SPSB4: variants seen among roughly 807,000 people sequenced by gnomAD.
SPSB4 encodes the protein splA/ryanodine receptor domain and SOCS box containing 4, also known as SPRY domain-containing SOCS box protein 4.
A neutral mutation model predicts 20.9 loss-of-function variants in SPSB4; 21 were observed. That is an observed-to-expected ratio of 1.01 (90% CI 0.71 to 1.45). The LOEUF is 1.45. SPSB4 is among the 40% of genes most tolerant of loss of function. The pLI is 0.00. For missense variants in SPSB4, 399 were observed against 399.2 expected (o/e 1.00, Z 0.00); for synonymous variants, 207 against 183.8 (o/e 1.13, Z -1.02).
intron 2 of SPSB4, among the ~76,000 whole-genome samples, chr3:141,124,479 G>C (rs1319545307): frequency 1.3e-5 from 2 of 152,218 alleles, no homozygotes; most frequent in Non-Finnish European, 2.9e-5. Flanking sequence ...CTGCCTAGGA[G>C]GGTCTGATGA....
At chr3:141,119,256 T>C (rs1242937044) in intron 2 of SPSB4, among the ~76,000 whole-genome samples, 2 of 152,234 alleles carry the variant, frequency 1.3e-5, no homozygotes, top group African/African-American at 4.8e-5. Context: ...GTAGTAATTG[T>C]GAATGGGAGT....
intron 2 of SPSB4, among the ~76,000 whole-genome samples, chr3:141,128,740 CAG>C (rs571683637): frequency 3.5e-4 from 53 of 151,878 alleles, no homozygotes; most frequent in African/African-American, 1.1e-3. Flanking sequence ...GGGCTGGAGT[CAG>C]AGGTAAGGGG....
At chr3:141,071,702 C>T (rs1029866418) in intron 2 of SPSB4, among the ~76,000 whole-genome samples, 2 of 152,156 alleles carry the variant, frequency 1.3e-5, no homozygotes, top group Non-Finnish European at 2.9e-5. Flanking sequence ...ACAGAACGGG[C>T]GCCAGTGTCA....
chr3:141,087,062 G>T (rs1232209612), intron 2 of SPSB4, among the ~76,000 whole-genome samples: 1 of 152,214 alleles, frequency 6.6e-6, no homozygotes, highest in Non-Finnish European at 1.5e-5. Flanking sequence ...CTGCCTGGAA[G>T]ATGACACGCG....
At chr3:141,093,551 G>A (rs1382786884) in intron 2 of SPSB4, among the ~76,000 whole-genome samples, 2 of 152,092 alleles carry the variant, frequency 1.3e-5, no homozygotes, top group East Asian at 3.9e-4. Flanking sequence ...GAGGCCCAGA[G>A]AGGTTAAGCT....
chr3:141,066,639 G>T lies in SPSB4; in HGVS notation c.535G>T (p.Val179Leu). ...CTTTGCGCTGCCCGACTCGCTGCTC[G>T]TGGTGCTGGACATGGATGAGGGCAC... ...EAFALPDSLL[V>L]VLDMDEGTLS... Residue 179 changes from valine to leucine, a missense_variant, in exon 2 of 3, where the codon GTG (valine) becomes TTG (leucine). By Grantham distance (32) the Val-to-Leu change is conservative. Coordinates refer to ENST00000310546, the MANE Select transcript of SPSB4 (RefSeq NM_080862.3). 6.2e-7 allele frequency: 1 copy of T among 1,611,568 alleles called. No homozygotes were observed. Among genetic ancestry groups the T allele is most frequent in the East Asian group, 2.2e-5 (1 of 44,836 alleles).
chr3:141,103,612 C>A (rs1168772299), intron 2 of SPSB4, among the ~76,000 whole-genome samples: 2 of 152,172 alleles, frequency 1.3e-5, no homozygotes, highest in African/African-American at 4.8e-5. Flanking sequence ...TCCCTCCGCA[C>A]AACAAACCAC....
At chr3:141,090,265 C>CT (rs1444639884) in intron 2 of SPSB4, among the ~76,000 whole-genome samples, 1 of 152,174 alleles carries the variant, frequency 6.6e-6, no homozygotes, top group African/African-American at 2.4e-5. Flanking sequence ...ATTCCAGGCA[C>CT]TGAGGACACA....
intron 1 of SPSB4, among the ~76,000 whole-genome samples, chr3:141,065,125 G>T (rs879066914): frequency 6.6e-6 from 1 of 152,146 alleles, no homozygotes; most frequent in African/African-American, 2.4e-5. Flanking sequence ...GTATCCAAGA[G>T]GCTAGGAGGC....
At chr3:141,121,112 A>G (rs1191898265) in intron 2 of SPSB4, among the ~76,000 whole-genome samples, 7 of 151,738 alleles carry the variant, frequency 4.6e-5, no homozygotes, top group Non-Finnish European at 7.4e-5. Flanking sequence ...GCCTGGTGGT[A>G]ACAAAATCTC....
At chr3:141,141,279 C>G in intron 2 of SPSB4, among the ~76,000 whole-genome samples, 1 of 152,220 alleles carries the variant, frequency 6.6e-6, no homozygotes, top group Non-Finnish European at 1.5e-5. Context: ...TTGCACTTCC[C>G]AGGTGAGGCG....
At chr3:141,127,487 A>G in intron 2 of SPSB4, among the ~76,000 whole-genome samples, 1 of 152,192 alleles carries the variant, frequency 6.6e-6, no homozygotes, top group Non-Finnish European at 1.5e-5. Flanking sequence ...TCCAGAGCTC[A>G]GAAGCCACAT....
chr3:141,082,618 G>GCTATGTATCTATCTAT (rs113189039), intron 2 of SPSB4, among the ~76,000 whole-genome samples: 31 of 146,416 alleles, frequency 2.1e-4, no homozygotes, highest in South Asian at 1.4e-3. Context: ...CAACCCAGGT[G>GCTATGTATCTATCTAT]CTATCTATCT....
At position 141,066,777 on chromosome 3, in the gene SPSB4, C is replaced by T. The variant is rs779882921; in HGVS notation, c.673C>T (p.Arg225Cys). The T allele has an allele frequency of 1.3e-6, 2 of 1,561,040 alleles. No individual in the cohort carries two copies. The highest frequency in any genetic ancestry group is 1.8e-5 in the Admixed American group (1 of 54,196). ...GTGGGGCCACTGTGAAGTCACCATG[C>T]GCTACATCAACGGCCTTGACCGTAA... ...AVWGHCEVTM[R>C]YINGLDPEPL... The change falls in exon 2 of 3, where the codon CGC (arginine) becomes TGC (cysteine). Residue 225 changes from arginine to cysteine, a missense_variant. Physicochemically the swap from Arg to Cys is radical, Grantham distance 180. Coordinates refer to ENST00000310546, the MANE Select transcript of SPSB4 (RefSeq NM_080862.3).
Position 141,140,657 on chromosome 3 carries a change from A to G in SPSB4, c.695-6485A>G, listed in dbSNP as rs1939309855. On this transcript the variant is annotated intron_variant, in intron 2 of 2. Transcript: ENST00000310546. ...GCTGCAGAACAGCGGATATTGGTGA[A>G]CCGCAAATGCTGCTGCCTGATTGTT... 2.0e-5 allele frequency among the ~76,000 whole-genome samples: 3 copies of G among 152,150 alleles called. No individual in the cohort carries two copies. In the South Asian group the frequency reaches 6.2e-4, roughly 32 times the overall value.
At chr3:141,087,331 G>A (rs1004970652) in intron 2 of SPSB4, among the ~76,000 whole-genome samples, 1 of 152,294 alleles carries the variant, frequency 6.6e-6, no homozygotes, top group East Asian at 1.9e-4. Flanking sequence ...ACAGTCTGAC[G>A]GAGCATGATG....
intron 2 of SPSB4, among the ~76,000 whole-genome samples, chr3:141,140,666 G>A (rs1576544707): frequency 6.6e-6 from 1 of 152,202 alleles, no homozygotes; most frequent in African/African-American, 2.4e-5. Flanking sequence ...AACCGCAAAT[G>A]CTGCTGCCTG....
chr3:141,131,530 C>T (rs931239722), intron 2 of SPSB4, among the ~76,000 whole-genome samples: 3 of 151,920 alleles, frequency 2.0e-5, no homozygotes, highest in African/African-American at 7.3e-5. Context: ...ATCACTACTC[C>T]CTTAAGGTCA....
intron 2 of SPSB4, among the ~76,000 whole-genome samples, chr3:141,085,370 C>T (rs1196073615): frequency 2.6e-5 from 4 of 152,172 alleles, no homozygotes; most frequent in Non-Finnish European, 5.9e-5. Context: ...TGTTGTGGGG[C>T]TCCATGATCA....
Sources: gnomAD v4.1 joint callset for allele counts (sites outside exome capture counted in the v4.1 genomes callset) on GRCh38, gnomAD v4.1.1 for gene constraint, MANE v1.5 for transcripts, NCBI Gene and HGNC (gene_info 2026-07-23, HGNC 2026-07-21) for gene names.